PCDH11Y: variants seen among roughly 807,000 people sequenced by gnomAD.
PCDH11Y encodes the protein protocadherin-11 Y-linked.
For synonymous variants in PCDH11Y, 9 were observed against 83.6 expected (o/e 0.11, Z 4.87); for missense variants, 12 against 224.8 (o/e 0.05, Z 6.05).
At chrY:5,398,183 C>T (rs2053229287) in intron 2 of PCDH11Y, among the ~76,000 whole-genome samples, 24 of 33,217 alleles carry the variant, frequency 7.2e-4, no homozygotes, top group African/African-American at 2.8e-3. Context: ...TACAAGTTCT[C>T]ATTTTGAACA....
chrY:5,206,738 A>G (rs2052932760), intron 2 of PCDH11Y, among the ~76,000 whole-genome samples: 1 of 32,240 alleles, frequency 3.1e-5, no homozygotes, highest in Non-Finnish European at 7.5e-5. Context: ...TTTGGTGTAA[A>G]AGAGGTAACG....
intron 3 of PCDH11Y, among the ~76,000 whole-genome samples, chrY:5,552,416 A>G: frequency 3.0e-5 from 1 of 33,300 alleles, no homozygotes; most frequent in African/African-American, 1.2e-4. Flanking sequence ...AAGCTTATAT[A>G]TTATCCTAGC....
At chrY:5,435,415 G>A in intron 2 of PCDH11Y, among the ~76,000 whole-genome samples, 1 of 27,773 alleles carries the variant, frequency 3.6e-5, no homozygotes, top group Admixed American at 3.4e-4. Flanking sequence ...CCTGGTTCAC[G>A]CCATTCTCCT....
At chrY:5,515,346 T>C (rs2053370817) in intron 3 of PCDH11Y, among the ~76,000 whole-genome samples, 2 of 32,584 alleles carry the variant, frequency 6.1e-5, no homozygotes, top group African/African-American at 2.4e-4. Flanking sequence ...GTACTGTATA[T>C]TCAGTGGAAT....
intron 2 of PCDH11Y, among the ~76,000 whole-genome samples, chrY:5,396,756 A>T: frequency 3.1e-5 from 1 of 32,664 alleles, no homozygotes; most frequent in African/African-American, 1.2e-4. Flanking sequence ...TTCTGCAAAA[A>T]ATGATTTTTT....
intron 2 of PCDH11Y, among the ~76,000 whole-genome samples, chrY:5,378,903 G>T: frequency 3.0e-5 from 1 of 33,019 alleles, no homozygotes; most frequent in African/African-American, 1.2e-4. Context: ...ACAACAAAAA[G>T]ATAGTTATTA....
chrY:5,018,887 T>C, intron 1 of PCDH11Y, among the ~76,000 whole-genome samples: 1 of 33,810 alleles, frequency 3.0e-5, no homozygotes, highest in Non-Finnish European at 7.3e-5. Flanking sequence ...ACTATTATCA[T>C]GCAATAATGA....
At chrY:5,619,478 C>G in intron 4 of PCDH11Y, among the ~76,000 whole-genome samples, 1 of 33,128 alleles carries the variant, frequency 3.0e-5, no homozygotes. Flanking sequence ...TGACACGAAA[C>G]TATAAAAATC....
chrY:5,342,094 A>C (rs1602908022), intron 2 of PCDH11Y, among the ~76,000 whole-genome samples: 9 of 33,477 alleles, frequency 2.7e-4, no homozygotes, highest in African/African-American at 5.8e-4. Context: ...CATACAATGC[A>C]AGGGAAAGGC....
intron 2 of PCDH11Y, chrY:5,207,649 G>A: frequency 3.2e-6 from 1 of 312,499 alleles, no homozygotes; most frequent in Non-Finnish European, 4.8e-6. Context: ...CATCAGAGCA[G>A]CCCGGATGGA....
At chrY:5,114,975 T>C (rs2052807373) in intron 2 of PCDH11Y, among the ~76,000 whole-genome samples, 1 of 32,182 alleles carries the variant, frequency 3.1e-5, no homozygotes. Context: ...ATTGCTTTTC[T>C]TCATTAATTC....
At chrY:5,179,327 A>G in intron 2 of PCDH11Y, among the ~76,000 whole-genome samples, 1 of 33,347 alleles carries the variant, frequency 3.0e-5, no homozygotes, top group African/African-American at 1.2e-4. Flanking sequence ...ATTCTGGATG[A>G]CATGAGATGG....
intron 2 of PCDH11Y, among the ~76,000 whole-genome samples, chrY:5,470,595 A>G (rs2053313296): frequency 5.4e-4 from 17 of 31,279 alleles, no homozygotes; most frequent in Non-Finnish European, 8.7e-4. Context: ...AGGCGTGGCT[A>G]TTTTTTCATC....
chrY:5,176,403 G>T (rs2052893852), intron 2 of PCDH11Y, among the ~76,000 whole-genome samples: 1 of 28,401 alleles, frequency 3.5e-5, no homozygotes, highest in Non-Finnish European at 8.2e-5. Flanking sequence ...GTCAATTTTG[G>T]CTTTTGTTGC....
intron 2 of PCDH11Y, among the ~76,000 whole-genome samples, chrY:5,228,732 C>A (rs2052963792): frequency 3.0e-5 from 1 of 33,219 alleles, no homozygotes; most frequent in Non-Finnish European, 7.4e-5. Context: ...ATATAGGTTT[C>A]AAAGTTCTTG....
intron 3 of PCDH11Y, among the ~76,000 whole-genome samples, chrY:5,525,661 A>G: frequency 3.1e-5 from 1 of 31,848 alleles, no homozygotes; most frequent in Non-Finnish European, 7.6e-5. Context: ...TAATTTCTAA[A>G]GATAAAAATT....
chrY:5,290,643 G>A, intron 2 of PCDH11Y, among the ~76,000 whole-genome samples: 2 of 28,715 alleles, frequency 7.0e-5, no homozygotes, highest in Non-Finnish European at 1.6e-4. Context: ...CAGAGATCAA[G>A]TTTCATTCTT....
chrY:5,108,482 T>G, downstream of PCDH11Y, among the ~76,000 whole-genome samples: 2 of 32,401 alleles, frequency 6.2e-5, no homozygotes, highest in Non-Finnish European at 1.5e-4. Flanking sequence ...GCGTGGTGGC[T>G]TATGCCTGTA....
intron 3 of PCDH11Y, among the ~76,000 whole-genome samples, chrY:5,540,672 G>A (rs2053405336): frequency 2.8e-5 from 1 of 35,710 alleles, no homozygotes; most frequent in African/African-American, 1.1e-4. Context: ...TAAAGTAATT[G>A]ATAGCTGTAC....
Sources: allele counts gnomAD v4.1 joint callset (sites outside exome capture counted in the v4.1 genomes callset), GRCh38; gene constraint gnomAD v4.1.1; transcripts MANE v1.5; gene names NCBI Gene and HGNC (gene_info 2026-07-23, HGNC 2026-07-21).